RIN3: variants seen among roughly 807,000 people sequenced by gnomAD.
RIN3 encodes the protein RAB5 interacting protein 3.
In RIN3, 54 loss-of-function variants were observed where a neutral mutation model predicts 76.3. That is an observed-to-expected ratio of 0.71 (90% confidence interval 0.57 to 0.89). The LOEUF (loss-of-function observed/expected upper bound fraction) is 0.89, where lower values mean the gene tolerates loss of function less well. RIN3 is among the 40% of genes least tolerant of loss of function. The pLI is 0.00. For missense variants in RIN3, 1,256 were observed against 1,322.1 expected (o/e 0.95, Z 0.78); for synonymous variants, 576 against 564.0 (o/e 1.02, Z -0.30).
chr14:92,614,508 A>G (rs994524718), intron 3 of RIN3, among the ~76,000 whole-genome samples: 10 of 152,138 alleles, frequency 6.6e-5, no homozygotes, highest in African/African-American at 2.2e-4. Flanking sequence ...CCTAATAGTG[A>G]TATGGTTTGG....
intron 1 of RIN3, among the ~76,000 whole-genome samples, chr14:92,519,003 C>T (rs929283317): frequency 3.3e-5 from 5 of 152,166 alleles, no homozygotes; most frequent in African/African-American, 9.7e-5. Flanking sequence ...GCTCCCTTCC[C>T]TCTGGACCTC....
chr14:92,536,694 A>G (rs1413268569), intron 1 of RIN3, among the ~76,000 whole-genome samples: 1 of 149,254 alleles, frequency 6.7e-6, no homozygotes, highest in Admixed American at 6.8e-5. Context: ...GTGAGCTGAG[A>G]TCGCGCCACT....
At chr14:92,540,681 AG>A (rs1897112808) in intron 1 of RIN3, among the ~76,000 whole-genome samples, 1 of 152,220 alleles carries the variant, frequency 6.6e-6, no homozygotes, top group African/African-American at 2.4e-5. Flanking sequence ...ACACACGTCT[AG>A]GAAGAAGGAT....
At chr14:92,546,905 T>C (rs1897278495) in intron 1 of RIN3, among the ~76,000 whole-genome samples, 1 of 151,582 alleles carries the variant, frequency 6.6e-6, no homozygotes, top group Non-Finnish European at 1.5e-5. Flanking sequence ...CAGAAAAATG[T>C]GACCTACTAA....
chr14:92,598,547 A>C (rs963205768), intron 3 of RIN3, among the ~76,000 whole-genome samples: 2 of 152,254 alleles, frequency 1.3e-5, no homozygotes, highest in Non-Finnish European at 1.5e-5. Flanking sequence ...CCTTTTACAG[A>C]TGAAGAAACG....
At chr14:92,668,939 A>G (rs966549625) in intron 7 of RIN3, among the ~76,000 whole-genome samples, 1 of 152,236 alleles carries the variant, frequency 6.6e-6, no homozygotes, top group Admixed American at 6.5e-5. Flanking sequence ...TCCTGCTGTC[A>G]TACGTTTTTA....
rs1385750314 is a variant in RIN3 at position 92,681,401 on chromosome 14, G to A, written c.2468-3586G>A. Among the ~76,000 whole-genome samples the A allele has an allele frequency of 6.6e-6, 1 of 152,216 alleles. No individual in the cohort carries two copies. Among genetic ancestry groups the A allele is most frequent in the African/African-American group, 2.4e-5 (1 of 41,450 alleles). On this transcript the variant is annotated intron_variant, in intron 8 of 9. Coordinates refer to ENST00000216487, the MANE Select transcript of RIN3 (RefSeq NM_024832.5). The surrounding 1 kb of genome is among the most constrained non-coding windows in gnomAD (Gnocchi z 4.7). ...CCTGCGAGGGTGAGACACCCCCAGA[G>A]CACCTCCCTGAGGCCTCATAGCCAC...
intron 4 of RIN3, among the ~76,000 whole-genome samples, chr14:92,629,393 G>C (rs1284921521): frequency 6.6e-6 from 1 of 152,200 alleles, no homozygotes; most frequent in East Asian, 1.9e-4. Context: ...CACAGTGTGG[G>C]AGCAGGCCCA....
intron 3 of RIN3, among the ~76,000 whole-genome samples, chr14:92,595,237 G>A (rs529647786): frequency 6.6e-6 from 1 of 152,202 alleles, no homozygotes; most frequent in Non-Finnish European, 1.5e-5. Flanking sequence ...AAAAGAGAGG[G>A]TTGCAGGAAT....
chr14:92,576,487 C>A, intron 2 of RIN3: 1 of 1,120,778 alleles, frequency 8.9e-7, no homozygotes, highest in Non-Finnish European at 1.2e-6. Context: ...CTGCTCAGGA[C>A]TTGGGATCTG....
chr14:92,585,560 C>A lies in RIN3; in HGVS notation c.367+8083C>A, dbSNP rs78062639. On this transcript the variant is annotated intron_variant, in intron 3 of 9. Transcript: ENST00000216487. Reference sequence around the variant, plus strand: ...GCTTCAACTACTTAACCTAAAAGCACATGCCTTAGAGTGGGAGACTTGTTT... The same window carrying A: ...GCTTCAACTACTTAACCTAAAAGCAAATGCCTTAGAGTGGGAGACTTGTTT... 5.8e-3 allele frequency among the ~76,000 whole-genome samples: 891 copies of A among 152,358 alleles called. 4 individuals are homozygous for A. Among genetic ancestry groups the A allele is most frequent in the Non-Finnish European group, 8.9e-3 (605 of 68,028 alleles).
At chr14:92,537,006 AT>A (rs1359424140) in intron 1 of RIN3, among the ~76,000 whole-genome samples, 8 of 60,074 alleles carry the variant, frequency 1.3e-4, no homozygotes, top group African/African-American at 2.4e-4. Flanking sequence ...GGATTTAAAA[AT>A]ATATATATAT....
chr14:92,665,021 G>T (rs1888036005), intron 7 of RIN3, among the ~76,000 whole-genome samples: 1 of 152,198 alleles, frequency 6.6e-6, no homozygotes, highest in South Asian at 2.1e-4. Context: ...GTGGCTGAAT[G>T]ATGGAAATAG....
At chr14:92,566,498 G>C (rs1897919326) in intron 2 of RIN3, among the ~76,000 whole-genome samples, 1 of 152,198 alleles carries the variant, frequency 6.6e-6, no homozygotes, top group Admixed American at 6.5e-5. Flanking sequence ...GAATGGCCAA[G>C]GAGAGCAGGA....
In RIN3 at chr14:92,652,355, A is replaced by T; in HGVS notation, c.1306A>T (p.Thr436Ser). ...GGAGAGCACGGAGCAAGGCCAGGAC[A>T]CAGAGGTGAAAGCCAGCGATCCTCA... The part of the protein sequence containing the change: ...PRESTEQGQD[T>S]EVKASDPHSM... The change falls in exon 6 of 10, where the codon ACA becomes TCA. Residue 436 changes from threonine (T) to serine (S), a missense_variant. By Grantham distance (58) the Thr-to-Ser change is moderately conservative. This residue lies in a region of RIN3 where 610 missense variants were observed against 626.4 expected (regional missense o/e 0.97). Transcript: ENST00000216487. The surrounding 1 kb of genome is among the most constrained non-coding windows in gnomAD (Gnocchi z 6.4). 1 of 1,607,388 alleles carries T rather than the reference A, an allele frequency of 6.2e-7. No individual in the cohort carries two copies. The highest frequency in any genetic ancestry group is 8.5e-7 in the Non-Finnish European group (1 of 1,176,224).
intron 2 of RIN3, 163 bp from the exon 3 acceptor site, chr14:92,577,197 G>A (rs1025412849): frequency 1.8e-6 from 1 of 567,848 alleles, no homozygotes; most frequent in Admixed American, 2.7e-5. Context: ...GGTGGCGCAA[G>A]GCTCTTGGGG....
At chr14:92,546,513 C>A (rs1348709387) in intron 1 of RIN3, among the ~76,000 whole-genome samples, 1 of 152,166 alleles carries the variant, frequency 6.6e-6, no homozygotes, top group Non-Finnish European at 1.5e-5. Context: ...CTTTATTTAT[C>A]CATTCGCCTG....
intron 1 of RIN3, among the ~76,000 whole-genome samples, chr14:92,523,659 A>AT (rs34064948): frequency 0.14 from 20,914 of 151,652 alleles, 1,633 homozygotes; most frequent in South Asian, 0.21. Flanking sequence ...GATTGCAAAC[A>AT]TTTTTTTTTC....
chr14:92,683,124 G>A (rs964236731), intron 8 of RIN3, among the ~76,000 whole-genome samples: 2 of 151,952 alleles, frequency 1.3e-5, no homozygotes, highest in Admixed American at 6.6e-5. Context: ...CCTAGATCAC[G>A]CCATTGCACT....
Sources: allele counts gnomAD v4.1 joint callset (sites outside exome capture counted in the v4.1 genomes callset), GRCh38; gene constraint gnomAD v4.1.1; regional missense constraint gnomAD v4.1.1; non-coding constraint Gnocchi (gnomAD v3.1); transcripts MANE v1.5; gene names NCBI Gene and HGNC (gene_info 2026-07-23, HGNC 2026-07-21).